Variants in GRID2 observed in about 807,000 individuals in gnomAD.
GRID2 encodes glutamate receptor ionotropic, delta-2.
In GRID2, 33 loss-of-function variants were observed where a neutral mutation model predicts 114.8. The ratio of observed to expected loss-of-function variants is 0.29; its 90% CI spans 0.22 to 0.38. The LOEUF (loss-of-function observed/expected upper bound fraction) is 0.38, where lower values mean the gene tolerates loss of function less well. Ranked by LOEUF, GRID2 falls within the 10% of genes least tolerant of loss-of-function variation. The pLI, the probability that GRID2 is intolerant of heterozygous loss-of-function variation, is 1.00. For missense variants in GRID2, 1,184 were observed against 1,257.7 expected (o/e 0.94, Z 0.89); for synonymous variants, 505 against 449.9 (o/e 1.12, Z -1.55).
intron 8 of GRID2, among the ~76,000 whole-genome samples, chr4:93,342,630 A>G (rs1177739594): frequency 6.6e-6 from 1 of 152,200 alleles, no homozygotes; most frequent in Non-Finnish European, 1.5e-5. Context: ...TGAAAGAGGA[A>G]TAGGCACTAA....
intron 1 of GRID2, among the ~76,000 whole-genome samples, chr4:92,454,698 T>A (rs1278604068): frequency 6.6e-6 from 1 of 152,012 alleles, no homozygotes; most frequent in Non-Finnish European, 1.5e-5. Context: ...TAGCCGGGCG[T>A]GTTGGCAGGC....
intron 1 of GRID2, among the ~76,000 whole-genome samples, chr4:92,335,826 T>C (rs770396951): frequency 2.0e-5 from 3 of 152,174 alleles, no homozygotes; most frequent in Non-Finnish European, 4.4e-5. Context: ...CCCTGAGTGA[T>C]TGATTCCAAG....
chr4:92,623,594 G>A (rs937795332), intron 2 of GRID2, among the ~76,000 whole-genome samples: 1 of 151,786 alleles, frequency 6.6e-6, no homozygotes, highest in Admixed American at 6.6e-5. Flanking sequence ...GTCAGAGACA[G>A]TAGTGGCATG....
At chr4:92,307,908 T>G (rs1001880493) in intron 1 of GRID2, among the ~76,000 whole-genome samples, 3 of 152,188 alleles carry the variant, frequency 2.0e-5, no homozygotes, top group Non-Finnish European at 2.9e-5. Context: ...ATGCATTGAT[T>G]GAGTAATTTC....
At chr4:93,159,118 C>G (rs1737445639) in intron 4 of GRID2, among the ~76,000 whole-genome samples, 1 of 151,280 alleles carries the variant, frequency 6.6e-6, no homozygotes. Flanking sequence ...TCCTCGCAAG[C>G]TGTGCTAAAT....
intron 9 of GRID2, among the ~76,000 whole-genome samples, chr4:93,403,781 A>G (rs1766143923): frequency 1.3e-5 from 2 of 152,162 alleles, no homozygotes; most frequent in Non-Finnish European, 2.9e-5. Flanking sequence ...GCTGGTAGGA[A>G]TGTAAAATGG....
intron 7 of GRID2, among the ~76,000 whole-genome samples, chr4:93,237,803 C>T (rs1358845102): frequency 1.3e-5 from 2 of 151,700 alleles, no homozygotes; most frequent in Non-Finnish European, 2.9e-5. Flanking sequence ...CCGTTAAGAG[C>T]AAAAACAGAT....
At chr4:92,561,252 T>G (rs2149182288) in intron 1 of GRID2, among the ~76,000 whole-genome samples, 2 of 152,350 alleles carry the variant, frequency 1.3e-5, no homozygotes, top group Middle Eastern at 6.8e-3. Context: ...GAACATTTCT[T>G]AAACTTCTAC....
intron 1 of GRID2, among the ~76,000 whole-genome samples, chr4:92,411,112 G>T (rs1199637956): frequency 3.3e-5 from 5 of 152,116 alleles, no homozygotes; most frequent in African/African-American, 1.2e-4. Context: ...CTGGCATGTG[G>T]TGGGTTCTTA....
chr4:93,021,553 AAT>A (rs1217350999), intron 2 of GRID2, among the ~76,000 whole-genome samples: 2 of 146,322 alleles, frequency 1.4e-5, no homozygotes, highest in African/African-American at 4.9e-5. Context: ...AATGAAAACA[AAT>A]TTTAAATAAT....
chr4:93,648,292 G>A (rs6532421), intron 14 of GRID2, among the ~76,000 whole-genome samples: 42,177 of 151,936 alleles, frequency 0.28, 8,283 homozygotes, highest in African/African-American at 0.56. Flanking sequence ...AAAGAAATAT[G>A]GATTTAGGAT....
At chr4:92,535,002 G>GA (rs1171532839) in intron 1 of GRID2, among the ~76,000 whole-genome samples, 10 of 152,038 alleles carry the variant, frequency 6.6e-5, no homozygotes. Context: ...CAAATATAGA[G>GA]AAAAAATATT....
chr4:93,199,437 T>C (rs116782888), intron 4 of GRID2, among the ~76,000 whole-genome samples: 338 of 152,322 alleles, frequency 2.2e-3, no homozygotes, highest in African/African-American at 7.8e-3. Context: ...AGCACAGTGT[T>C]GGCTAAGTCT....
At chr4:92,437,659 C>T (rs1306473677) in intron 1 of GRID2, among the ~76,000 whole-genome samples, 3 of 152,200 alleles carry the variant, frequency 2.0e-5, no homozygotes, top group African/African-American at 7.2e-5. Context: ...ATGTCCTTTT[C>T]TGTTTAACCT....
chr4:92,947,392 A>G (rs566425811), intron 2 of GRID2, among the ~76,000 whole-genome samples: 1 of 152,098 alleles, frequency 6.6e-6, no homozygotes, highest in South Asian at 2.1e-4. Context: ...CTAAGCAATC[A>G]CAAAGTATGT....
rs148603170 is a variant in GRID2 at position 92,487,166 on chromosome 4, A to G, written c.89-102965A>G. On this transcript the variant is annotated intron_variant, in intron 1 of 15. Coordinates refer to ENST00000282020, the MANE Select transcript of GRID2 (RefSeq NM_001510.4). The stretch of plus-strand genomic sequence containing the variant: ...CTATTGCGTTTCTGATTTATATTTC[A>G]TTGATTTATTTCTCATTTATTTCTT... 5.0e-4 allele frequency among the ~76,000 whole-genome samples: 76 copies of G among 151,988 alleles called. No homozygotes were observed. The East Asian group carries it at 0.013, about 26-fold the overall frequency.
In GRID2 at chr4:92,310,189, T is replaced by A. The variant is rs541992054; in HGVS notation, c.88+5445T>A. Among the ~76,000 whole-genome samples, 13 of 152,164 alleles carry A rather than the reference T, an allele frequency of 8.5e-5. No homozygotes were observed. The South Asian group carries it at 2.7e-3, about 32-fold the overall frequency. ...CACAATTATAGGGTTTATTTGTTCA[T>A]GTAAAACTCATAACTATTCTCACAT... On this transcript the variant is annotated intron_variant, in intron 1 of 15. Transcript: ENST00000282020.
chr4:92,306,951 A>G (rs949656672), intron 1 of GRID2, among the ~76,000 whole-genome samples: 14 of 152,166 alleles, frequency 9.2e-5, no homozygotes, highest in Admixed American at 9.2e-4. Context: ...TAGACTACCT[A>G]ATATTGTCAT....
chr4:93,764,015 G>T (rs972096132), intron 14 of GRID2, among the ~76,000 whole-genome samples: 1 of 152,072 alleles, frequency 6.6e-6, no homozygotes, highest in African/African-American at 2.4e-5. Context: ...AGAAATTTGC[G>T]TCCAACTTTC....
Sources: allele counts gnomAD v4.1 joint callset (sites outside exome capture counted in the v4.1 genomes callset), GRCh38; gene constraint gnomAD v4.1.1; transcripts MANE v1.5; gene names NCBI Gene and HGNC (gene_info 2026-07-23, HGNC 2026-07-21).